The following SAMMSON variants were observed in gnomAD, a reference collection of about 807,000 sequenced individuals.
SAMMSON encodes long intergenic non-protein coding RNA 1212.
At chr3:70,264,771 T>G (rs9815193) in intron 6 of SAMMSON, among the ~76,000 whole-genome samples, 2,007 of 152,302 alleles carry the variant, frequency 0.013, 57 homozygotes, top group African/African-American at 0.046. Context: ...AATCTCATGA[T>G]AGGGAAAATA....
At chr3:70,016,730 T>G (rs565358175) in intron 3 of SAMMSON, among the ~76,000 whole-genome samples, 47 of 152,210 alleles carry the variant, frequency 3.1e-4, no homozygotes, top group African/African-American at 1.1e-3. Flanking sequence ...GTCTAACATG[T>G]AAGTCTTTAA....
Position 70,306,992 on chromosome 3 carries a change from TAGAG to T in SAMMSON, n.739+15757_739+15760del, listed in dbSNP as rs958701994. Among the ~76,000 whole-genome samples, 5 of 151,928 alleles carry T rather than the reference TAGAG, an allele frequency of 3.3e-5. 1 individual carries two copies. ...GTATGTGTGTATATATTTATATATATAGAGAGAGAGACAAATAGAGAGATAGAGA... is the reference window on the plus strand; with the variant it reads ...GTATGTGTGTATATATTTATATATATAGAGAGACAAATAGAGAGATAGAGA... On this transcript the variant is annotated intron_variant and non_coding_transcript_variant, in intron 7 of 9. Transcript: ENST00000642114.
intron 7 of SAMMSON, among the ~76,000 whole-genome samples, chr3:70,320,013 G>C (rs1054965931): frequency 1.3e-5 from 2 of 152,010 alleles, no homozygotes; most frequent in African/African-American, 4.8e-5. Flanking sequence ...TGGTGTCCGA[G>C]TACCAGTGGT....
At chr3:70,264,594 T>C (rs115753144) in intron 6 of SAMMSON, among the ~76,000 whole-genome samples, 1,672 of 152,358 alleles carry the variant, frequency 0.011, 18 homozygotes, top group Middle Eastern at 0.027. Context: ...CATCAGGCCA[T>C]ATACTAAGTC....
chr3:70,262,325 G>T (rs889363789), intron 6 of SAMMSON, among the ~76,000 whole-genome samples: 1 of 152,176 alleles, frequency 6.6e-6, no homozygotes. Context: ...AATAGAAAAT[G>T]ATGCATTGCT....
At chr3:70,052,557 T>G (rs893525699) in intron 3 of SAMMSON, among the ~76,000 whole-genome samples, 1 of 152,134 alleles carries the variant, frequency 6.6e-6, no homozygotes, top group Non-Finnish European at 1.5e-5. Context: ...AAATGTGAGA[T>G]TTGGGGAATG....
At chr3:70,190,395 C>T (rs1355614465) in intron 4 of SAMMSON, among the ~76,000 whole-genome samples, 1 of 152,170 alleles carries the variant, frequency 6.6e-6, no homozygotes, top group Non-Finnish European at 1.5e-5. Flanking sequence ...ATCATGTAAT[C>T]TCCTGCTATT....
chr3:70,010,562 G>C (rs1387444530), intron 1 of SAMMSON, among the ~76,000 whole-genome samples: 7 of 152,050 alleles, frequency 4.6e-5, no homozygotes, highest in Admixed American at 1.3e-4. Context: ...GTGTCTTAGG[G>C]TTCCTGTTAA....
intron 7 of SAMMSON, among the ~76,000 whole-genome samples, chr3:70,299,984 T>A (rs1559557954): frequency 6.6e-6 from 1 of 152,136 alleles, no homozygotes; most frequent in Non-Finnish European, 1.5e-5. Flanking sequence ...TACCCCAGAC[T>A]TTTCTGCCTC....
intron 3 of SAMMSON, among the ~76,000 whole-genome samples, chr3:70,048,378 C>T (rs557914308): frequency 6.6e-6 from 1 of 152,138 alleles, no homozygotes; most frequent in South Asian, 2.1e-4. Flanking sequence ...ATAGGACTTA[C>T]CTTGAGAGGT....
chr3:70,351,950 C>T (rs1318037348), intron 7 of SAMMSON, among the ~76,000 whole-genome samples: 1 of 151,034 alleles, frequency 6.6e-6, no homozygotes, highest in Non-Finnish European at 1.5e-5. Context: ...ATCTGAACAA[C>T]AGAAAAAAAA....
At chr3:70,172,220 G>A (rs1700962836) in intron 4 of SAMMSON, 1 of 149,552 alleles carries the variant, frequency 6.7e-6, no homozygotes, top group Admixed American at 6.7e-5. Context: ...AGGCTAGTTA[G>A]TTATTGGAAC....
At chr3:70,112,173 T>C (rs2067392420) in intron 4 of SAMMSON, among the ~76,000 whole-genome samples, 1 of 152,144 alleles carries the variant, frequency 6.6e-6, no homozygotes, top group Non-Finnish European at 1.5e-5. Context: ...GTGAAAACGT[T>C]AAAGACAGCT....
At chr3:70,370,456 C>G (rs1232002675) in intron 9 of SAMMSON, among the ~76,000 whole-genome samples, 4 of 152,012 alleles carry the variant, frequency 2.6e-5, no homozygotes, top group African/African-American at 9.7e-5. Flanking sequence ...TTCTCTACAT[C>G]CTTGTCAGCA....
chr3:70,085,489 G>T (rs771087522), intron 4 of SAMMSON, among the ~76,000 whole-genome samples: 3 of 152,170 alleles, frequency 2.0e-5, no homozygotes, highest in African/African-American at 7.2e-5. Context: ...CCACCTGGGG[G>T]TGCTCAGTGG....
chr3:70,423,745 A>G (rs1701331883), intron 2 of SAMMSON, among the ~76,000 whole-genome samples: 1 of 152,212 alleles, frequency 6.6e-6, no homozygotes, highest in African/African-American at 2.4e-5. Flanking sequence ...GGGGTTAGGA[A>G]GAACAGAATG....
intron 4 of SAMMSON, among the ~76,000 whole-genome samples, chr3:70,188,490 T>C (rs981626472): frequency 2.0e-5 from 3 of 152,070 alleles, no homozygotes; most frequent in South Asian, 4.1e-4. Context: ...TAAAGAGATA[T>C]GGGAATTAGA....
chr3:70,342,896 G>C (rs1463215733), intron 7 of SAMMSON, among the ~76,000 whole-genome samples: 2 of 152,134 alleles, frequency 1.3e-5, no homozygotes, highest in African/African-American at 2.4e-5. Context: ...GAGGTGGCTT[G>C]TTCCTATATT....
At chr3:70,356,288 T>C (rs1423681818) in intron 8 of SAMMSON, among the ~76,000 whole-genome samples, 1 of 152,132 alleles carries the variant, frequency 6.6e-6, no homozygotes, top group African/African-American at 2.4e-5. Flanking sequence ...AAGTTACCTA[T>C]TACCCCAAAT....
Sources: gnomAD v4.1 joint callset for allele counts (sites outside exome capture counted in the v4.1 genomes callset) on GRCh38, gnomAD v4.1.1 for gene constraint, MANE v1.5 for transcripts, NCBI Gene and HGNC (gene_info 2026-07-23, HGNC 2026-07-21) for gene names.